PPP6R3: variants seen among roughly 807,000 people sequenced by gnomAD.
PPP6R3 encodes the protein protein phosphatase 6 regulatory subunit 3.
PPP6R3 carries 38 observed loss-of-function variants against 110.7 expected under a neutral mutation model. The ratio of observed to expected loss-of-function variants is 0.34; its 90% CI spans 0.26 to 0.45. The LOEUF (loss-of-function observed/expected upper bound fraction) is 0.45, where lower values mean the gene tolerates loss of function less well. Among genes scored for constraint, PPP6R3 ranks in the 20% least tolerant of loss-of-function variants. The pLI, the probability that PPP6R3 is intolerant of heterozygous loss-of-function variation, is 1.00. For missense variants in PPP6R3, 870 were observed against 1,062.4 expected, an observed-to-expected ratio of 0.82 and a Z score of 2.52; for synonymous variants, 369 against 373.5, an observed-to-expected ratio of 0.99 and a Z score of 0.14.
chr11:68,587,805 C>G, intron 15 of PPP6R3, 122 bp from the exon 16 acceptor site: 1 of 890,660 alleles, frequency 1.1e-6, no homozygotes, highest in Non-Finnish European at 1.9e-6. Flanking sequence ...TAGAAAAACA[C>G]ACCAACTTTT....
chr11:68,541,891 C>G (rs556029600), intron 3 of PPP6R3, among the ~76,000 whole-genome samples: 2 of 152,144 alleles, frequency 1.3e-5, no homozygotes, highest in Non-Finnish European at 2.9e-5. Context: ...ACATGGAGAT[C>G]ATGGGCCCCA....
intron 9 of PPP6R3, 39 bp from the exon 10 acceptor site, chr11:68,566,975 A>G (rs2099475656): frequency 1.3e-6 from 2 of 1,524,444 alleles, no homozygotes; most frequent in African/African-American, 1.4e-5. Context: ...TGCTTTGTTC[A>G]TTTAACTGAA....
intron 1 of PPP6R3, among the ~76,000 whole-genome samples, chr11:68,485,537 C>T (rs1256430114): frequency 6.6e-6 from 1 of 152,036 alleles, no homozygotes; most frequent in Admixed American, 6.6e-5. Context: ...TGTTGTTTAT[C>T]AAGTTGAGGA....
At position 68,613,493 on chromosome 11, in the gene PPP6R3, T is replaced by C; in HGVS notation, c.*376T>C. ...TGTATTTGAAACATAACTTTGACAA[T>C]TATTAGTGTGACCAAAGTATTAGGC... On this transcript the variant is annotated 3_prime_UTR_variant, in exon 24 of 24. Transcript: ENST00000393800. 2 of 993,804 alleles carry C rather than the reference T, an allele frequency of 2.0e-6. No homozygotes were observed. Among genetic ancestry groups the C allele is most frequent in the Non-Finnish European group, 2.4e-6 (2 of 835,348 alleles). 61.6% of individuals were successfully genotyped at this position (993,804 alleles called of 1,614,324 possible). A position where few individuals can be genotyped will look rare whatever the true frequency, so the allele number is the denominator to read the frequency against.
intron 1 of PPP6R3, among the ~76,000 whole-genome samples, chr11:68,489,552 T>TTGTG (rs1413767280): frequency 1.4e-5 from 2 of 144,950 alleles, no homozygotes; most frequent in African/African-American, 5.2e-5. Context: ...TACTGTGTGT[T>TTGTG]TGTGTGTGTG....
In PPP6R3 at chr11:68,574,150, C is replaced by T. The variant is rs761519919; in HGVS notation, c.1385C>T (p.Thr462Met). 5 of 1,613,926 alleles carry T rather than the reference C, an allele frequency of 3.1e-6. No homozygotes were observed. The highest frequency in any genetic ancestry group is 1.1e-5 in the South Asian group (1 of 91,084). ...GRRHGYMGHL[T>M]RIANCIVHST... ...CGGCATGGTTACATGGGACACCTAACGAGGATAGCTAACTGTATCGTGCAC... is the reference window on the plus strand; with the variant it reads ...CGGCATGGTTACATGGGACACCTAATGAGGATAGCTAACTGTATCGTGCAC... The change falls in exon 13 of 24, where the codon ACG becomes ATG. Residue 462 changes from threonine (T) to methionine (M), a missense_variant. Physicochemically the swap from Thr to Met is moderately conservative, Grantham distance 81 (BLOSUM62 -1). Transcript: ENST00000393800.
At chr11:68,571,341 C>T (rs2099505675) in intron 12 of PPP6R3, 2 of 459,348 alleles carry the variant, frequency 4.4e-6, no homozygotes, top group Admixed American at 4.5e-5. Flanking sequence ...TTCCCCACCT[C>T]TGTGCTGCCT....
intron 21 of PPP6R3, 107 bp downstream of exon 21, chr11:68,602,076 G>A (rs559080384): frequency 4.4e-4 from 354 of 801,836 alleles, no homozygotes; most frequent in Non-Finnish European, 6.4e-4. Context: ...GTGAGATGGT[G>A]GGTCTGATGT....
At chr11:68,572,677 C>T (rs1056184517) in intron 12 of PPP6R3, among the ~76,000 whole-genome samples, 1 of 152,022 alleles carries the variant, frequency 6.6e-6, no homozygotes, top group African/African-American at 2.4e-5. Flanking sequence ...TAGGGAGATC[C>T]TGGCTCTACA....
rs934934874 is a variant in PPP6R3 at position 68,614,171 on chromosome 11, A to G, written c.*1054A>G. The G allele has an allele frequency of 4.9e-5, 48 of 986,188 alleles. No individual in the cohort carries two copies. The highest frequency in any genetic ancestry group is 6.1e-5 in the Admixed American group (1 of 16,276). 61.1% of individuals were successfully genotyped at this position (986,188 alleles called of 1,614,324 possible). The stretch of plus-strand genomic sequence containing the variant: ...TCAAAATCTGGCACCGAAGCATGCT[A>G]ATTGTTTACTGTACCTTGTGAGGTT... On this transcript the variant is annotated 3_prime_UTR_variant, in exon 24 of 24. Coordinates refer to ENST00000393800, the MANE Select transcript of PPP6R3 (RefSeq NM_001164161.2).
intron 1 of PPP6R3, among the ~76,000 whole-genome samples, chr11:68,504,625 T>C (rs1488813803): frequency 6.6e-6 from 1 of 152,218 alleles, no homozygotes; most frequent in Non-Finnish European, 1.5e-5. Flanking sequence ...GTTTGGCTCA[T>C]TGACAAAGTA....
chr11:68,478,052 C>G (rs1017753933), intron 1 of PPP6R3, among the ~76,000 whole-genome samples: 1 of 151,578 alleles, frequency 6.6e-6, no homozygotes, highest in South Asian at 2.1e-4. Context: ...CGGTTTCAAG[C>G]GATTGTCCTG....
intron 14 of PPP6R3, among the ~76,000 whole-genome samples, chr11:68,576,460 C>T (rs1486887356): frequency 1.3e-5 from 2 of 152,144 alleles, no homozygotes. Context: ...AGTATACCCT[C>T]GTTTTACATC....
intron 19 of PPP6R3, 138 bp downstream of exon 19, chr11:68,596,356 C>T: frequency 8.2e-7 from 1 of 1,217,542 alleles, no homozygotes; most frequent in Non-Finnish European, 1.2e-6. Flanking sequence ...CAAGTGAATT[C>T]CTCTTGGAGG....
At chr11:68,543,209 C>T (rs2099328715) in intron 3 of PPP6R3, among the ~76,000 whole-genome samples, 1 of 152,128 alleles carries the variant, frequency 6.6e-6, no homozygotes, top group African/African-American at 2.4e-5. Context: ...GGTTATACAG[C>T]ATGTAAGTGG....
chr11:68,600,765 C>T (rs1170051572), intron 20 of PPP6R3, among the ~76,000 whole-genome samples: 6 of 152,228 alleles, frequency 3.9e-5, no homozygotes, highest in South Asian at 2.1e-4. Context: ...GTTAGCAGGA[C>T]GCAGCAGAAG....
At chr11:68,523,983 C>G (rs903140212) in intron 2 of PPP6R3, among the ~76,000 whole-genome samples, 2 of 152,106 alleles carry the variant, frequency 1.3e-5, no homozygotes, top group African/African-American at 4.8e-5. Context: ...TATTTTCTTA[C>G]TGGAGCTCCA....
chr11:68,603,582 T>C (rs2099638366), intron 22 of PPP6R3, 90 bp downstream of exon 22: 1 of 1,469,556 alleles, frequency 6.8e-7, no homozygotes, highest in African/African-American at 1.4e-5. Context: ...TTAATTTGAT[T>C]CAAATGAATG....
chr11:68,504,526 ATCTTTATGG>A (rs1386590398), intron 1 of PPP6R3, among the ~76,000 whole-genome samples: 58 of 152,316 alleles, frequency 3.8e-4, no homozygotes, highest in Admixed American at 3.7e-3. Flanking sequence ...ATCTTACAAT[ATCTTTATGG>A]ATGAATGCAC....
Sources: gnomAD v4.1 joint callset for allele counts (sites outside exome capture counted in the v4.1 genomes callset) on GRCh38, gnomAD v4.1.1 for gene constraint, MANE v1.5 for transcripts, NCBI Gene and HGNC (gene_info 2026-07-23, HGNC 2026-07-21) for gene names.